The following UQCRB variants were observed in gnomAD, a reference collection of about 807,000 sequenced individuals.
The protein encoded by UQCRB is cytochrome b-c1 complex subunit 7.
A neutral mutation model predicts 19.8 loss-of-function variants in UQCRB; 12 were observed. That is an observed-to-expected ratio of 0.61 (90% confidence interval 0.39 to 0.98). The LOEUF (loss-of-function observed/expected upper bound fraction) is 0.98. Ranked by LOEUF, UQCRB falls within the 50% of genes least tolerant of loss-of-function variation. The pLI, the probability that UQCRB is intolerant of heterozygous loss-of-function variation, is 0.00. For missense variants in UQCRB, 142 were observed against 131.8 expected (o/e 1.08, Z -0.38); for synonymous variants, 39 against 42.9 (o/e 0.91, Z 0.35).
In UQCRB at chr8:96,226,569, C is replaced by T. The variant is rs1809529398; in HGVS notation, c.*4486G>A. Reference sequence around the variant, plus strand: ...ATTGTAAGCTGACTCCTTTGTAAAACAAATAATTATCTTTTTTTGGTTTGG... The same window carrying T: ...ATTGTAAGCTGACTCCTTTGTAAAATAAATAATTATCTTTTTTTGGTTTGG... On this transcript the variant is annotated 3_prime_UTR_variant, in exon 4 of 4. Transcript: ENST00000287022. 4.3e-6 allele frequency: 1 copy of T among 232,358 alleles called. No individual in the cohort carries two copies. Among genetic ancestry groups the T allele is most frequent in the Admixed American group, 5.4e-5 (1 of 18,586 alleles). The allele number at this position is 232,358 out of a possible 1,614,324, so 14.4% of individuals were successfully genotyped here.
At chr8:96,233,320 T>C in intron 1 of UQCRB, 93 bp from the exon 2 acceptor site, 3 of 1,127,122 alleles carry the variant, frequency 2.7e-6, no homozygotes, top group Non-Finnish European at 4.0e-6. Flanking sequence ...ATCTTGCTGA[T>C]GAATGCAAAC....
chr8:96,226,573 T>C lies in UQCRB; in HGVS notation c.*4482A>G. 4.3e-6 allele frequency: 1 copy of C among 234,930 alleles called. No individual in the cohort carries two copies. The highest frequency in any genetic ancestry group is 8.5e-6 in the Non-Finnish European group (1 of 118,122). The allele number at this position is 234,930 out of a possible 1,614,324, so 14.6% of individuals were successfully genotyped here. A position where few individuals can be genotyped will look rare whatever the true frequency, so the allele number is the denominator to read the frequency against. On this transcript the variant is annotated 3_prime_UTR_variant, in exon 4 of 4. Transcript: ENST00000287022. ...TAAGCTGACTCCTTTGTAAAACAAA[T>C]AATTATCTTTTTTTGGTTTGGCTTG...
chr8:96,230,234 CCTAG>C lies in UQCRB; in HGVS notation c.*817_*820del. 1 of 431,520 alleles carries C rather than the reference CCTAG, an allele frequency of 2.3e-6. No homozygotes were observed. Among genetic ancestry groups the C allele is most frequent in the African/African-American group, 2.0e-5 (1 of 49,002 alleles). The allele number at this position is 431,520 out of a possible 1,614,324, so 26.7% of individuals were successfully genotyped here. On this transcript the variant is annotated 3_prime_UTR_variant, in exon 4 of 4. Transcript: ENST00000287022. ...GGGATTACAGGTGCCTACCATCACGCCTAGCTAATTTTTTGTATTTTTAGTAGAG... is the reference window on the plus strand; with the variant it reads ...GGGATTACAGGTGCCTACCATCACGCCTAATTTTTTGTATTTTTAGTAGAG...
Position 96,227,750 on chromosome 8 carries a change from A to T in UQCRB, c.*3305T>A, listed in dbSNP as rs985746739. ...GCCCAGTTTTTATTCTTACTGCTGAATCTTTTCATAAGTCAAAATTAGTGC... is the reference window on the plus strand; with the variant it reads ...GCCCAGTTTTTATTCTTACTGCTGATTCTTTTCATAAGTCAAAATTAGTGC... On this transcript the variant is annotated 3_prime_UTR_variant, in exon 4 of 4. Coordinates refer to ENST00000287022, the MANE Select transcript of UQCRB (RefSeq NM_006294.5). 1.3e-5 allele frequency: 6 copies of T among 453,682 alleles called. No individual in the cohort carries two copies. Among genetic ancestry groups the T allele is most frequent in the Admixed American group, 1.2e-4 (5 of 42,494 alleles). The allele number at this position is 453,682 out of a possible 1,614,324, so 28.1% of individuals were successfully genotyped here.
chr8:96,233,238 TCA>T lies in UQCRB; in HGVS notation c.20-13_20-12del, dbSNP rs1474737829. ...TGCCTGATGCTGAAACTGATAATTG[TCA>T]CACTGTTAATTGCTACAATTTAATT... On this transcript the variant is annotated splice_polypyrimidine_tract_variant and intron_variant, in intron 1 of 3. Transcript: ENST00000287022. 6.2e-7 allele frequency: 1 copy of T among 1,613,310 alleles called. No individual in the cohort carries two copies.
rs1443104026 is a variant in UQCRB, at chr8:96,225,626, T to G, written c.*5429A>C. ...CATACATCCTGCACTTCCATGCCTTTGAGCATTTCCTGCTCATTTTCTTCT... is the reference window on the plus strand; with the variant it reads ...CATACATCCTGCACTTCCATGCCTTGGAGCATTTCCTGCTCATTTTCTTCT... On this transcript the variant is annotated 3_prime_UTR_variant, in exon 4 of 4. Coordinates refer to ENST00000287022, the MANE Select transcript of UQCRB (RefSeq NM_006294.5). 6.6e-6 allele frequency among the ~76,000 whole-genome samples: 1 copy of G among 151,954 alleles called. No individual in the cohort carries two copies. The highest frequency in any genetic ancestry group is 1.5e-5 in the Non-Finnish European group (1 of 68,006).
chr8:96,234,567 A>AG (rs1363520216), intron 1 of UQCRB: 1 of 1,216,264 alleles, frequency 8.2e-7, no homozygotes, highest in South Asian at 1.3e-5. Context: ...TTATTTAAAA[A>AG]GTCTCCCCCA....
rs192738838 is a variant in UQCRB at position 96,228,698 on chromosome 8, A to G, written c.*2357T>C. 3.1e-4 allele frequency: 141 copies of G among 454,136 alleles called. 2 individuals carry two copies. In the East Asian group the frequency reaches 9.5e-3, roughly 31 times the overall value. The allele number at this position is 454,136 out of a possible 1,614,324, so 28.1% of individuals were successfully genotyped here. A position where few individuals can be genotyped will look rare whatever the true frequency, so the allele number is the denominator to read the frequency against. ...GAAGTAGGTTTCTATCATTAGCTCT[A>G]TCTTAGGGACAAACAAACTGAAGCA... On this transcript the variant is annotated 3_prime_UTR_variant, in exon 4 of 4. Coordinates refer to ENST00000287022, the MANE Select transcript of UQCRB (RefSeq NM_006294.5).
chr8:96,228,687 T>C lies in UQCRB; in HGVS notation c.*2368A>G, dbSNP rs1309792750. The C allele has an allele frequency of 2.2e-6, 1 of 454,156 alleles. No homozygotes were observed. The highest frequency in any genetic ancestry group is 2.0e-5 in the African/African-American group (1 of 50,150). 28.1% of individuals were successfully genotyped at this position (454,156 alleles called of 1,614,324 possible). A position where few individuals can be genotyped will look rare whatever the true frequency, so the allele number is the denominator to read the frequency against. On this transcript the variant is annotated 3_prime_UTR_variant, in exon 4 of 4. Coordinates refer to ENST00000287022, the MANE Select transcript of UQCRB (RefSeq NM_006294.5). Reference sequence around the variant, plus strand: ...CACAACTGGGTGAAGTAGGTTTCTATCATTAGCTCTATCTTAGGGACAAAC... The same window carrying C: ...CACAACTGGGTGAAGTAGGTTTCTACCATTAGCTCTATCTTAGGGACAAAC...
Position 96,224,236 on chromosome 8 carries a change from T to C in UQCRB, c.*6819A>G, listed in dbSNP as rs1809491313. The stretch of plus-strand genomic sequence containing the variant: ...CAAGGTCAAGGAGAACCAACTTTGA[T>C]AGAGATAGCAGAGTGGGGAGGGATG... On this transcript the variant is annotated 3_prime_UTR_variant, in exon 4 of 4. Transcript: ENST00000287022. Among the ~76,000 whole-genome samples the C allele has an allele frequency of 6.6e-6, 1 of 151,976 alleles. No individual in the cohort carries two copies. The highest frequency in any genetic ancestry group is 6.5e-5 in the Admixed American group (1 of 15,278).
chr8:96,226,741 G>T lies in UQCRB; in HGVS notation c.*4314C>A. ...CATTTTTACATTTATGCAAAAATAGGCACATGTATTCAAACAAAAAGTTCA... is the reference window on the plus strand; with the variant it reads ...CATTTTTACATTTATGCAAAAATAGTCACATGTATTCAAACAAAAAGTTCA... On this transcript the variant is annotated 3_prime_UTR_variant, in exon 4 of 4. Transcript: ENST00000287022. The T allele has an allele frequency of 2.6e-6, 1 of 378,180 alleles. No homozygotes were observed. Among genetic ancestry groups the T allele is most frequent in the South Asian group, 2.0e-5 (1 of 50,484 alleles). The allele number at this position is 378,180 out of a possible 1,614,324, so 23.4% of individuals were successfully genotyped here.
intron 1 of UQCRB, chr8:96,234,700 T>C: frequency 2.6e-6 from 1 of 383,588 alleles, no homozygotes; most frequent in Admixed American, 3.2e-5. Context: ...CTACTCCAAC[T>C]TGGTTGCATT....
In UQCRB at chr8:96,229,723, CATG is replaced by C. The variant is rs1212868607; in HGVS notation, c.*1329_*1331del. ...CTTCAACCATACAAAAGAAAATTGA[CATG>C]ATTTCAGGATAGGTTTAGAAAAATA... On this transcript the variant is annotated 3_prime_UTR_variant, in exon 4 of 4. Transcript: ENST00000287022. 6.7e-6 allele frequency: 3 copies of C among 450,562 alleles called. No homozygotes were observed. The highest frequency in any genetic ancestry group is 4.7e-5 in the Admixed American group (2 of 42,152). 27.9% of individuals were successfully genotyped at this position (450,562 alleles called of 1,614,324 possible). A position where few individuals can be genotyped will look rare whatever the true frequency, so the allele number is the denominator to read the frequency against.
At position 96,226,008 on chromosome 8, in the gene UQCRB, C is replaced by T. The variant is rs953282890; in HGVS notation, c.*5047G>A. The T allele has an allele frequency of 6.6e-6, 1 of 152,080 alleles. No homozygotes were observed. Among genetic ancestry groups the T allele is most frequent in the South Asian group, 2.1e-4 (1 of 4,828 alleles). 9.4% of individuals were successfully genotyped at this position (152,080 alleles called of 1,614,324 possible). ...TGGAGGCAGGAGGCGCTACTGGTACCTATCGTGTAGAAGCCAGGATGCTGC... is the reference window on the plus strand; with the variant it reads ...TGGAGGCAGGAGGCGCTACTGGTACTTATCGTGTAGAAGCCAGGATGCTGC... On this transcript the variant is annotated 3_prime_UTR_variant, in exon 4 of 4. Transcript: ENST00000287022.
At position 96,228,770 on chromosome 8, in the gene UQCRB, A is replaced by C. The variant is rs1563535181; in HGVS notation, c.*2285T>G. 1 of 454,004 alleles carries C rather than the reference A, an allele frequency of 2.2e-6. No individual in the cohort carries two copies. The allele number at this position is 454,004 out of a possible 1,614,324, so 28.1% of individuals were successfully genotyped here. On this transcript the variant is annotated 3_prime_UTR_variant, in exon 4 of 4. Coordinates refer to ENST00000287022, the MANE Select transcript of UQCRB (RefSeq NM_006294.5). ...CTAAAGCACTACACAGTGAGCAAAT[A>C]GATTCAGACCTGTGCAGTCTAACCC...
In UQCRB at chr8:96,228,986, T is replaced by C; in HGVS notation, c.*2069A>G. On this transcript the variant is annotated 3_prime_UTR_variant, in exon 4 of 4. Transcript: ENST00000287022. ...CTTTCAAATGAAAGGACTTCACTGA[T>C]GGATTAACAAATTCTCACCCATTCA... The C allele has an allele frequency of 2.2e-6, 1 of 454,106 alleles. No individual in the cohort carries two copies. Among genetic ancestry groups the C allele is most frequent in the Middle Eastern group, 6.9e-4 (1 of 1,444 alleles). The allele number at this position is 454,106 out of a possible 1,614,324, so 28.1% of individuals were successfully genotyped here. A position where few individuals can be genotyped will look rare whatever the true frequency, so the allele number is the denominator to read the frequency against.
In UQCRB at chr8:96,223,941, G is replaced by C. The variant is rs893330008; in HGVS notation, c.*7114C>G. 1.3e-5 allele frequency among the ~76,000 whole-genome samples: 2 copies of C among 152,270 alleles called. No individual in the cohort carries two copies. Among genetic ancestry groups the C allele is most frequent in the African/African-American group, 4.8e-5 (2 of 41,562 alleles). ...GGTGGTAGAAGCCAGGCTTTGGAAG[G>C]CCACTCCCTTCAACTGGAACTAGTG... On this transcript the variant is annotated 3_prime_UTR_variant, in exon 4 of 4. Transcript: ENST00000287022.
intron 1 of UQCRB, 46 bp downstream of exon 1, chr8:96,235,466 C>T: frequency 6.2e-7 from 1 of 1,613,998 alleles, no homozygotes; most frequent in African/African-American, 1.3e-5. Context: ...CAAAAATAAA[C>T]GGTGAAGCGC....
chr8:96,229,278 CCTCAGT>C lies in UQCRB; in HGVS notation c.*1771_*1776del, dbSNP rs1563535599. The stretch of plus-strand genomic sequence containing the variant: ...GGATAGCCTGGGGGTTCCTGTTATA[CCTCAGT>C]CTTGGTCAGTTCTATTTGTTCCCCT... On this transcript the variant is annotated 3_prime_UTR_variant, in exon 4 of 4. Coordinates refer to ENST00000287022, the MANE Select transcript of UQCRB (RefSeq NM_006294.5). The C allele has an allele frequency of 2.2e-5, 10 of 454,060 alleles. No individual in the cohort carries two copies. Among genetic ancestry groups the C allele is most frequent in the Non-Finnish European group, 2.6e-5 (6 of 226,776 alleles). 28.1% of individuals were successfully genotyped at this position (454,060 alleles called of 1,614,324 possible). A position where few individuals can be genotyped will look rare whatever the true frequency, so the allele number is the denominator to read the frequency against.
Sources: gnomAD v4.1 joint callset for allele counts (sites outside exome capture counted in the v4.1 genomes callset) on GRCh38, gnomAD v4.1.1 for gene constraint, MANE v1.5 for transcripts, NCBI Gene and HGNC (gene_info 2026-07-23, HGNC 2026-07-21) for gene names.